The following SLC1A2 variants were observed in gnomAD, a reference collection of about 807,000 sequenced individuals.
SLC1A2 encodes excitatory amino acid transporter 2.
Under a neutral mutation model 48.8 loss-of-function variants are expected in SLC1A2, and 15 were observed. That is an observed-to-expected ratio of 0.31 (90% CI 0.21 to 0.47). The LOEUF (loss-of-function observed/expected upper bound fraction) is 0.47. SLC1A2 is among the 20% of genes least tolerant of loss of function. The pLI is 0.99. For synonymous variants in SLC1A2, 279 were observed against 272.6 expected (o/e 1.02, Z -0.23); for missense variants, 502 against 730.5 (o/e 0.69, Z 3.61).
At chr11:35,329,577 G>T (rs1434474252) in intron 1 of SLC1A2, among the ~76,000 whole-genome samples, 1 of 152,154 alleles carries the variant, frequency 6.6e-6, no homozygotes, top group Admixed American at 6.5e-5. Context: ...GCACAAAACA[G>T]ATCTCCAAGC....
At chr11:35,357,736 T>C (rs1853531915) in intron 1 of SLC1A2, among the ~76,000 whole-genome samples, 1 of 152,216 alleles carries the variant, frequency 6.6e-6, no homozygotes, top group South Asian at 2.1e-4. Context: ...AGTCAGGTCC[T>C]ACATATTGTC....
At chr11:35,414,645 G>C (rs1019705917) in intron 1 of SLC1A2, among the ~76,000 whole-genome samples, 8 of 152,288 alleles carry the variant, frequency 5.3e-5, no homozygotes, top group African/African-American at 1.9e-4. Context: ...CCCCCAACAA[G>C]CTGTTAAGGG....
In SLC1A2 at chr11:35,368,585, C is replaced by T. The variant is rs145235758; in HGVS notation, c.17+50365G>A. 2.7e-4 allele frequency among the ~76,000 whole-genome samples: 41 copies of T among 152,352 alleles called. 1 individual carries two copies. The highest frequency in any genetic ancestry group is 7.2e-4 in the African/African-American group (30 of 41,580). The stretch of plus-strand genomic sequence containing the variant: ...AATCTATCAAGCTCACGTAGCCTTG[C>T]TTTTCCCACTCTACTAAACAACTGT... On this transcript the variant is annotated intron_variant, in intron 1 of 10. Coordinates refer to ENST00000278379, the MANE Select transcript of SLC1A2 (RefSeq NM_004171.4).
chr11:35,363,482 C>T (rs1853748751), intron 1 of SLC1A2, among the ~76,000 whole-genome samples: 1 of 152,090 alleles, frequency 6.6e-6, no homozygotes, highest in Non-Finnish European at 1.5e-5. Context: ...ATTTGGGGTA[C>T]AGGACCAGAG....
chr11:35,394,312 T>A (rs1427790647), intron 1 of SLC1A2, among the ~76,000 whole-genome samples: 1 of 151,888 alleles, frequency 6.6e-6, no homozygotes, highest in Non-Finnish European at 1.5e-5. Context: ...CTCAACCTGC[T>A]GCTCAGTCAC....
chr11:35,414,387 T>A (rs1277790068), intron 1 of SLC1A2, among the ~76,000 whole-genome samples: 2 of 152,200 alleles, frequency 1.3e-5, no homozygotes, highest in African/African-American at 4.8e-5. Flanking sequence ...GAGATGCTAG[T>A]CCTTTTCTAT....
intron 1 of SLC1A2, among the ~76,000 whole-genome samples, chr11:35,389,452 C>CCTTCTCCTT (rs141467812): frequency 8.6e-5 from 13 of 150,430 alleles, no homozygotes; most frequent in Admixed American, 2.7e-4. Context: ...TTCTCCTTCT[C>CCTTCTCCTT]CTTCTTCTTC....
In SLC1A2 at chr11:35,251,432, G is replaced by T. The variant is rs1303261740; in HGVS notation, c.*9462C>A. ...TGCTTCATCAACAAGGCATTTTCTAGTAGCATATATGAGAAACAATTCAAA... is the reference window on the plus strand; with the variant it reads ...TGCTTCATCAACAAGGCATTTTCTATTAGCATATATGAGAAACAATTCAAA... On this transcript the variant is annotated 3_prime_UTR_variant, in exon 11 of 11. Transcript: ENST00000278379. The T allele has an allele frequency of 6.6e-6, 1 of 152,590 alleles. No individual in the cohort carries two copies. The highest frequency in any genetic ancestry group is 2.4e-5 in the African/African-American group (1 of 41,428). The allele number at this position is 152,590 out of a possible 1,614,324, so 9.5% of individuals were successfully genotyped here. A position where few individuals can be genotyped will look rare whatever the true frequency, so the allele number is the denominator to read the frequency against.
At chr11:35,282,856 C>T (rs192275360) in intron 8 of SLC1A2, among the ~76,000 whole-genome samples, 1 of 152,258 alleles carries the variant, frequency 6.6e-6, no homozygotes, top group East Asian at 1.9e-4. Flanking sequence ...CCTAATAATA[C>T]CCTCACCCTC....
At chr11:35,364,123 C>A (rs1221533002) in intron 1 of SLC1A2, among the ~76,000 whole-genome samples, 4 of 152,144 alleles carry the variant, frequency 2.6e-5, no homozygotes, top group Non-Finnish European at 4.4e-5. Flanking sequence ...TGTGTCCCTG[C>A]CACAAAGGGA....
Position 35,306,187 on chromosome 11 carries a change from T to C in SLC1A2, c.617A>G (p.Asn206Ser), listed in dbSNP as rs1851499216. Reference protein sequence around the residue: ...LVAPPPDEEANATSAVVSLLN... With the variant: ...LVAPPPDEEASATSAVVSLLN... The stretch of plus-strand genomic sequence containing the variant: ...CAGAGAGACAACAGCGCTGGTTGCG[T>C]TGGCCTCCTCGTCCGGCGGTGGTGC... Residue 206 changes from asparagine (N) to serine (S), a missense_variant, in exon 5 of 11, where the codon AAC becomes AGC. By Grantham distance (46) the Asn-to-Ser change is conservative (BLOSUM62 1). Transcript: ENST00000278379. The C allele has an allele frequency of 3.1e-6, 5 of 1,614,046 alleles. No individual in the cohort carries two copies. The highest frequency in any genetic ancestry group is 3.4e-6 in the Non-Finnish European group (4 of 1,179,934).
At chr11:35,322,918 C>T in intron 1 of SLC1A2, 1 of 613,622 alleles carries the variant, frequency 1.6e-6, no homozygotes, top group Non-Finnish European at 2.9e-6. Flanking sequence ...CAACAGCCTG[C>T]AAATCCCTCC....
chr11:35,381,432 T>C (rs951401787), intron 1 of SLC1A2, among the ~76,000 whole-genome samples: 6 of 152,120 alleles, frequency 3.9e-5, no homozygotes, highest in Admixed American at 2.0e-4. Context: ...AACCAAAAGA[T>C]GGGGAGAGTA....
chr11:35,309,750 G>A (rs558437829), intron 4 of SLC1A2, among the ~76,000 whole-genome samples: 5 of 152,278 alleles, frequency 3.3e-5, no homozygotes, highest in East Asian at 3.9e-4. Context: ...GAAATGCCAC[G>A]TCCCTTTAAA....
At chr11:35,390,496 GA>G (rs1854729878) in intron 1 of SLC1A2, among the ~76,000 whole-genome samples, 1 of 152,060 alleles carries the variant, frequency 6.6e-6, no homozygotes. Context: ...CTGACCACTC[GA>G]AATGTGACCA....
chr11:35,344,377 A>G (rs1032836339), intron 1 of SLC1A2, among the ~76,000 whole-genome samples: 1 of 152,190 alleles, frequency 6.6e-6, no homozygotes, highest in African/African-American at 2.4e-5. Context: ...GGGGAAAAGT[A>G]TTCTGAGAAG....
In SLC1A2 at chr11:35,255,393, C is replaced by G. The variant is rs1178045040; in HGVS notation, c.*5501G>C. The G allele has an allele frequency of 6.6e-6, 1 of 152,342 alleles. No individual in the cohort carries two copies. Among genetic ancestry groups the G allele is most frequent in the East Asian group, 1.9e-4 (1 of 5,202 alleles). The allele number at this position is 152,342 out of a possible 1,614,324, so 9.4% of individuals were successfully genotyped here. On this transcript the variant is annotated 3_prime_UTR_variant, in exon 11 of 11. Transcript: ENST00000278379. ...TTCTTGTAAGTTAGAGCATCTCTTC[C>G]TGCAATGTGATACCCATGATAAAAA...
intron 1 of SLC1A2, among the ~76,000 whole-genome samples, chr11:35,345,085 A>G (rs1852980185): frequency 6.6e-6 from 1 of 152,240 alleles, no homozygotes; most frequent in East Asian, 1.9e-4. Context: ...CCTTTTAAAA[A>G]TAATAAACAA....
intron 9 of SLC1A2, among the ~76,000 whole-genome samples, chr11:35,273,133 T>G (rs1211551321): frequency 6.6e-6 from 1 of 152,198 alleles, no homozygotes; most frequent in East Asian, 1.9e-4. Context: ...CAATTTCATA[T>G]GGTTCAACTT....
Sources: allele counts gnomAD v4.1 joint callset (sites outside exome capture counted in the v4.1 genomes callset), GRCh38; gene constraint gnomAD v4.1.1; transcripts MANE v1.5; gene names NCBI Gene and HGNC (gene_info 2026-07-23, HGNC 2026-07-21).